Variants in STPG1 observed in about 807,000 individuals in gnomAD.
STPG1 encodes the protein sperm tail PG-rich repeat containing 1.
A neutral mutation model predicts 40.1 loss-of-function variants in STPG1; 33 were observed. The observed-to-expected ratio is 0.82, with a 90% confidence interval of 0.62 to 1.10. STPG1 has a LOEUF of 1.10. Ranked by LOEUF, STPG1 falls within the 50% of genes least tolerant of loss-of-function variation. The probability of loss-of-function intolerance (pLI) is 0.00; values close to 1 mark genes in which losing one functional copy is unlikely to be tolerated. For missense variants in STPG1, 396 were observed against 415.1 expected, an observed-to-expected ratio of 0.95 and a Z score of 0.40; for synonymous variants, 150 against 155.0, an observed-to-expected ratio of 0.97 and a Z score of 0.24.
chr1:24,400,486 T>C (rs1643180119), intron 2 of STPG1, among the ~76,000 whole-genome samples: 1 of 152,122 alleles, frequency 6.6e-6, no homozygotes. Flanking sequence ...ACAATTAGGA[T>C]TTGTGCACTT....
chr1:24,369,596 A>T lies in STPG1; in HGVS notation c.737+78T>A, dbSNP rs1641634920. 16 of 1,473,314 alleles carry T rather than the reference A, an allele frequency of 1.1e-5. 1 individual carries two copies. In the South Asian group the frequency reaches 2.1e-4, roughly 19 times the overall value. The allele number at this position is 1,473,314 out of a possible 1,614,324, so 91.3% of individuals were successfully genotyped here. A position where few individuals can be genotyped will look rare whatever the true frequency, so the allele number is the denominator to read the frequency against. On this transcript the variant is annotated intron_variant, in intron 7 of 8. Coordinates refer to ENST00000337248, the MANE Select transcript of STPG1 (RefSeq NM_001199013.2). The stretch of plus-strand genomic sequence containing the variant: ...GCACTGTGCTCTGCCAAGCAGTGAC[A>T]CCCCATCCTTTTCTCTATGTTGGGC...
chr1:24,381,384 T>C (rs906505040), intron 4 of STPG1, among the ~76,000 whole-genome samples: 2 of 152,234 alleles, frequency 1.3e-5, no homozygotes, highest in East Asian at 3.8e-4. Context: ...TCACCAACAC[T>C]ACACACCCCT....
intron 7 of STPG1, among the ~76,000 whole-genome samples, chr1:24,362,784 G>A (rs922136109): frequency 6.6e-6 from 1 of 152,216 alleles, no homozygotes. Flanking sequence ...ATGTGCTTGG[G>A]CTCACATCTT....
intron 7 of STPG1, chr1:24,364,353 C>T (rs1472574145): frequency 6.5e-7 from 1 of 1,544,948 alleles, no homozygotes; most frequent in Admixed American, 2.0e-5. Flanking sequence ...GCCTGCACTT[C>T]ACTGTAAACT....
intron 3 of STPG1, among the ~76,000 whole-genome samples, chr1:24,386,651 C>T (rs775586866): frequency 1.3e-5 from 2 of 152,230 alleles, no homozygotes; most frequent in Non-Finnish European, 2.9e-5. Context: ...CCTGTGACTT[C>T]TAGAGGTGGG....
chr1:24,364,063 A>G, intron 7 of STPG1: 39 of 1,349,926 alleles, frequency 2.9e-5, no homozygotes, highest in Non-Finnish European at 3.7e-5. Flanking sequence ...TACCTTCCAG[A>G]AACACCCAAC....
At chr1:24,377,027 G>A (rs552799065) in intron 5 of STPG1, among the ~76,000 whole-genome samples, 5 of 151,966 alleles carry the variant, frequency 3.3e-5, no homozygotes, top group Admixed American at 1.3e-4. Context: ...TTGGGAGGCC[G>A]AGGTGGATGG....
intron 2 of STPG1, among the ~76,000 whole-genome samples, chr1:24,395,137 T>C (rs999730433): frequency 2.0e-5 from 3 of 151,832 alleles, no homozygotes; most frequent in Non-Finnish European, 4.4e-5. Context: ...AGATTGATAC[T>C]GAAAACAACA....
chr1:24,364,287 T>C, intron 7 of STPG1: 1 of 1,549,616 alleles, frequency 6.5e-7, no homozygotes, highest in Non-Finnish European at 8.7e-7. Flanking sequence ...GTTTTGGAGA[T>C]GGATTTTGGA....
intron 2 of STPG1, among the ~76,000 whole-genome samples, chr1:24,394,950 CTA>C (rs1279509549): frequency 6.6e-6 from 1 of 151,814 alleles, no homozygotes; most frequent in Non-Finnish European, 1.5e-5. Context: ...ATTAAAAAAA[CTA>C]TTGACTCACA....
intron 1 of STPG1, among the ~76,000 whole-genome samples, chr1:24,409,358 T>G: frequency 6.6e-6 from 1 of 152,124 alleles, no homozygotes; most frequent in East Asian, 1.9e-4. Context: ...AGACCCTGTC[T>G]CAAAAAATAA....
chr1:24,391,848 T>G, intron 2 of STPG1, 169 bp from the exon 3 acceptor site: 1 of 1,337,434 alleles, frequency 7.5e-7, no homozygotes, highest in South Asian at 1.8e-5. Context: ...ATTCCCCACT[T>G]TCTTTCCCTC....
intron 8 of STPG1, among the ~76,000 whole-genome samples, chr1:24,360,278 G>A (rs1281123914): frequency 2.0e-5 from 3 of 152,060 alleles, no homozygotes; most frequent in Non-Finnish European, 4.4e-5. Context: ...ACCCCTGTCT[G>A]TCTCTGCTAA....
intron 5 of STPG1, among the ~76,000 whole-genome samples, chr1:24,375,485 T>C (rs571555022): frequency 1.3e-5 from 2 of 152,136 alleles, no homozygotes; most frequent in South Asian, 4.2e-4. Flanking sequence ...CTAGACGGCA[T>C]GCAGAGAGGG....
intron 1 of STPG1, among the ~76,000 whole-genome samples, chr1:24,413,378 G>A (rs1177071183): frequency 6.6e-6 from 1 of 152,222 alleles, no homozygotes; most frequent in Non-Finnish European, 1.5e-5. Flanking sequence ...CGCACTCGCG[G>A]AGCCTGAGCC....
In STPG1 at chr1:24,391,648, G is replaced by T. The variant is rs1223951614; in HGVS notation, c.102C>A (p.Ser34=). The T allele has an allele frequency of 6.5e-7, 1 of 1,549,724 alleles. No homozygotes were observed. The highest frequency in any genetic ancestry group is 1.2e-5 in the South Asian group (1 of 84,034). ...CTGAAGCTTGAGATTTAAAAGGAAT[G>T]GAGGATTGTGTTGGATATGCAGCAG... ...GFTAAYPTQS[S]IPFKSQASVI... Residue 34 remains serine (S), a synonymous_variant, in exon 3 of 9, where the codon TCC becomes TCA. Transcript: ENST00000337248.
chr1:24,358,576 G>A lies in STPG1; in HGVS notation c.972C>T (p.Tyr324=). ...CCGGGATCCATTTCTTGTCCTCGTT[G>A]TAGAGGAAGGACTGCTTTCCTGGAA... ...PELPGKQSFL[Y]NEDKKWIPVL The change falls in exon 9 of 9, where the codon TAC becomes TAT. Residue 324 remains tyrosine, a synonymous_variant. Coordinates refer to ENST00000337248, the MANE Select transcript of STPG1 (RefSeq NM_001199013.2). 6.2e-7 allele frequency: 1 copy of A among 1,614,122 alleles called. No homozygotes were observed. The highest frequency in any genetic ancestry group is 8.5e-7 in the Non-Finnish European group (1 of 1,179,944).
chr1:24,357,410 C>T lies in STPG1; in HGVS notation c.*1133G>A, dbSNP rs950133703. ...CTGGAAGGTGGCGCTTCTCAACCTA[C>T]ACCTATCATTGGAATCACCTGGGTG... On this transcript the variant is annotated 3_prime_UTR_variant, in exon 9 of 9. Transcript: ENST00000337248. 2.0e-5 allele frequency: 3 copies of T among 152,540 alleles called. No homozygotes were observed. The highest frequency in any genetic ancestry group is 4.8e-5 in the African/African-American group (2 of 41,472). The allele number at this position is 152,540 out of a possible 1,614,324, so 9.4% of individuals were successfully genotyped here.
Position 24,374,520 on chromosome 1 carries a change from A to C in STPG1, c.463-710T>G, listed in dbSNP as rs187563886. On this transcript the variant is annotated intron_variant, in intron 5 of 8. Transcript: ENST00000337248. ...GTGATCCGCCCGCCTCGGCCTCCCA[A>C]AGTGCTGGGATTACAGGCGTGAGCC... 3.6e-3 allele frequency among the ~76,000 whole-genome samples: 552 copies of C among 152,078 alleles called. 6 individuals are homozygous for C. Among genetic ancestry groups the C allele is most frequent in the African/African-American group, 0.012 (509 of 41,496 alleles).
Sources: allele counts gnomAD v4.1 joint callset (sites outside exome capture counted in the v4.1 genomes callset), GRCh38; gene constraint gnomAD v4.1.1; transcripts MANE v1.5; gene names NCBI Gene and HGNC (gene_info 2026-07-23, HGNC 2026-07-21).